The following DENND2C variants were observed in gnomAD, a reference collection of about 807,000 sequenced individuals.
The protein encoded by DENND2C is DENN domain containing 2C.
A neutral mutation model predicts 112.4 loss-of-function variants in DENND2C; 72 were observed. That is an observed-to-expected ratio of 0.64 (90% CI 0.53 to 0.78). DENND2C has a LOEUF of 0.78. Among genes scored for constraint, DENND2C ranks in the 30% least tolerant of loss-of-function variants. DENND2C has a pLI of 0.00. For synonymous variants in DENND2C, 329 were observed against 381.6 expected (o/e 0.86, Z 1.61); for missense variants, 992 against 1,113.8 (o/e 0.89, Z 1.56).
chr1:114,619,371 T>C (rs181673270), intron 7 of DENND2C, among the ~76,000 whole-genome samples: 21 of 152,326 alleles, frequency 1.4e-4, no homozygotes, highest in Non-Finnish European at 2.6e-4. Flanking sequence ...ATGCCTAGAA[T>C]TACAATTGTT....
chr1:114,664,392 T>C (rs1236481352), intron 1 of DENND2C, among the ~76,000 whole-genome samples: 1 of 151,834 alleles, frequency 6.6e-6, no homozygotes, highest in Non-Finnish European at 1.5e-5. Context: ...GCAGAAGGAG[T>C]GCTTAGGCCC....
chr1:114,603,518 C>T (rs1414992162), intron 11 of DENND2C, among the ~76,000 whole-genome samples: 1 of 150,148 alleles, frequency 6.7e-6, no homozygotes, highest in Non-Finnish European at 1.5e-5. Context: ...CTTCTTTCCT[C>T]CCTCCCTCCC....
At chr1:114,610,476 A>G (rs1386117080) in intron 9 of DENND2C, among the ~76,000 whole-genome samples, 1 of 152,180 alleles carries the variant, frequency 6.6e-6, no homozygotes, top group Non-Finnish European at 1.5e-5. Flanking sequence ...CAAGGCAGGC[A>G]GATCAACGAG....
In DENND2C at chr1:114,664,683, T is replaced by C. The variant is rs1408696668; in HGVS notation, c.-574+5300A>G. 2.6e-5 allele frequency among the ~76,000 whole-genome samples: 4 copies of C among 151,506 alleles called. No individual in the cohort carries two copies. In the East Asian group the frequency reaches 7.9e-4, roughly 30 times the overall value. On this transcript the variant is annotated intron_variant, in intron 1 of 20. Transcript: ENST00000393274. ...TTAGTAGAGATGGGGTTTCACCATGTTGGCCAGGTGGGTCTCAAACTCCTG... is the reference window on the plus strand; with the variant it reads ...TTAGTAGAGATGGGGTTTCACCATGCTGGCCAGGTGGGTCTCAAACTCCTG...
chr1:114,633,987 C>T (rs938544796), intron 3 of DENND2C, among the ~76,000 whole-genome samples: 4 of 152,134 alleles, frequency 2.6e-5, no homozygotes, highest in African/African-American at 9.7e-5. Flanking sequence ...ATGTTAATAT[C>T]AGACAAGGTA....
At chr1:114,635,712 A>C (rs1259513131) in intron 3 of DENND2C, among the ~76,000 whole-genome samples, 4 of 152,174 alleles carry the variant, frequency 2.6e-5, no homozygotes, top group Non-Finnish European at 5.9e-5. Context: ...TCCCTCTAAA[A>C]TATTAGTAAG....
At chr1:114,587,274 T>C in intron 20 of DENND2C, 113 bp downstream of exon 20, 3 of 1,163,506 alleles carry the variant, frequency 2.6e-6, no homozygotes, top group Non-Finnish European at 3.8e-6. Flanking sequence ...CTCAAACTCC[T>C]GGCCTCAAGC....
chr1:114,587,233 G>C, intron 20 of DENND2C, 154 bp downstream of exon 20: 2 of 770,568 alleles, frequency 2.6e-6, no homozygotes, highest in South Asian at 1.6e-5. Flanking sequence ...TTTGTGTAGG[G>C]ATGGGGTCTC....
chr1:114,652,845 T>A (rs1045353493), intron 2 of DENND2C, among the ~76,000 whole-genome samples: 1 of 151,740 alleles, frequency 6.6e-6, no homozygotes, highest in East Asian at 1.9e-4. Context: ...TGGCTCTATC[T>A]CCCACATGCT....
intron 8 of DENND2C, among the ~76,000 whole-genome samples, chr1:114,616,712 G>A (rs889905033): frequency 3.9e-5 from 6 of 152,170 alleles, no homozygotes; most frequent in Admixed American, 2.6e-4. Flanking sequence ...AAAATTAGCC[G>A]GGTGTGGTGG....
chr1:114,625,502 G>C lies in DENND2C; in HGVS notation c.483C>G (p.Leu161=), dbSNP rs748488239. The C allele has an allele frequency of 4.3e-6, 7 of 1,614,078 alleles. No homozygotes were observed. The highest frequency in any genetic ancestry group is 5.9e-6 in the Non-Finnish European group (7 of 1,180,002). The change falls in exon 4 of 21, where the codon CTC becomes CTG. Residue 161 remains leucine, a synonymous_variant. Coordinates refer to ENST00000393274, the MANE Select transcript of DENND2C (RefSeq NM_001256404.2). ...KKIEALPPDK[L]LNLALEHCDS... ...CACAATGTTCTAAAGCCAAATTTAA[G>C]AGTTTATCTGGGGGAAGTGCTTCTA...
chr1:114,661,082 G>A (rs552385944), intron 1 of DENND2C, among the ~76,000 whole-genome samples: 1 of 146,128 alleles, frequency 6.8e-6, no homozygotes, highest in African/African-American at 2.6e-5. Context: ...CTGTGCACCT[G>A]GGCGACAGAG....
At chr1:114,657,904 C>T (rs559478592) in intron 1 of DENND2C, among the ~76,000 whole-genome samples, 2 of 152,060 alleles carry the variant, frequency 1.3e-5, no homozygotes, top group East Asian at 3.9e-4. Flanking sequence ...AAAGCAAAGA[C>T]CTAAAGAAGG....
In DENND2C at chr1:114,584,691, A is replaced by T. The variant is rs1186230992; in HGVS notation, c.*909T>A. 1 of 152,246 alleles carries T rather than the reference A, an allele frequency of 6.6e-6. No homozygotes were observed. Among genetic ancestry groups the T allele is most frequent in the Non-Finnish European group, 1.5e-5 (1 of 68,046 alleles). The allele number at this position is 152,246 out of a possible 1,614,324, so 9.4% of individuals were successfully genotyped here. A position where few individuals can be genotyped will look rare whatever the true frequency, so the allele number is the denominator to read the frequency against. ...TGCATGGCACATGGTGGACACTAAA[A>T]AATAAAGGTGGCTCCCATGCCCTTG... is the stretch of plus-strand genomic sequence containing the variant. On this transcript the variant is annotated 3_prime_UTR_variant, in exon 21 of 21. Transcript: ENST00000393274.
rs2101651105 is a variant in DENND2C, at chr1:114,604,963, A to C, written c.1626T>G (p.Phe542Leu). Residue 542 changes from phenylalanine (F) to leucine (L), a missense_variant, in exon 11 of 21, where the codon TTT becomes TTG. Transcript: ENST00000393274. ...ERLKVIPKFC[F>L]PDSKDWMPTS... ...TTGGCATCCAGTCCTTTGAATCAGG[A>C]AAACAAAATTTTGGAATAACTTTAA... 6.2e-7 allele frequency: 1 copy of C among 1,613,866 alleles called. No homozygotes were observed. The highest frequency in any genetic ancestry group is 2.2e-5 in the East Asian group (1 of 44,834).
intron 1 of DENND2C, among the ~76,000 whole-genome samples, chr1:114,665,423 T>C (rs1180096899): frequency 6.6e-6 from 1 of 152,212 alleles, no homozygotes; most frequent in Non-Finnish European, 1.5e-5. Context: ...AATAATACTT[T>C]GGGCAATACA....
Position 114,623,720 on chromosome 1 carries a change from ATTTG to A in DENND2C, c.807-81_807-78del, listed in dbSNP as rs1656252848. On this transcript the variant is annotated intron_variant, in intron 4 of 20. Transcript: ENST00000393274. ...TATTTTTTAAAATTTTTATTTATTTATTTGTTTGATTGTTTGTTTTATTATTATT... is the reference window on the plus strand; with the variant it reads ...TATTTTTTAAAATTTTTATTTATTTATTTGATTGTTTGTTTTATTATTATT... 6.7e-6 allele frequency: 7 copies of A among 1,041,238 alleles called. No individual in the cohort carries two copies. The African/African-American group carries it at 1.6e-4, about 24-fold the overall frequency. 64.5% of individuals were successfully genotyped at this position (1,041,238 alleles called of 1,614,324 possible).
intron 16 of DENND2C, among the ~76,000 whole-genome samples, chr1:114,596,830 T>C (rs1399820405): frequency 6.6e-6 from 1 of 152,140 alleles, no homozygotes. Context: ...GTAAGTGGTA[T>C]CGACACAGAC....
Position 114,599,400 on chromosome 1 carries a change from G to C in DENND2C, c.2157C>G (p.Thr719=). 6.2e-7 allele frequency: 1 copy of C among 1,614,022 alleles called. No individual in the cohort carries two copies. The highest frequency in any genetic ancestry group is 1.7e-4 in the Middle Eastern group (1 of 6,058). Residue 719 remains threonine, a synonymous_variant, in exon 16 of 21, where the codon ACC becomes ACG. Transcript: ENST00000393274. ...HAVVATLYPF[T]WQHTYIPVLP... ...GGACTGGGATATAGGTATGCTGCCA[G>C]GTGAACGGATACAGTGTAGCTACCA...
Sources: gnomAD v4.1 joint callset for allele counts (sites outside exome capture counted in the v4.1 genomes callset) on GRCh38, gnomAD v4.1.1 for gene constraint, MANE v1.5 for transcripts, NCBI Gene and HGNC (gene_info 2026-07-23, HGNC 2026-07-21) for gene names.